The following BLTP1 variants were observed in gnomAD, a reference collection of about 807,000 sequenced individuals.
BLTP1 encodes fragile site-associated protein.
chr4:122,246,742 G>C, the BLTP1 span: 1 of 1,613,052 alleles, frequency 6.2e-7, no homozygotes, highest in Admixed American at 1.7e-5. Flanking sequence ...CTCCTAGTAG[G>C]AGTGTGACTC....
chr4:122,356,805 A>G, the BLTP1 span: 4 of 1,579,898 alleles, frequency 2.5e-6, no homozygotes, highest in South Asian at 1.2e-5. Flanking sequence ...GCAGCTGTCA[A>G]TGCCATTTAC....
chr4:122,328,485 A>G, the BLTP1 span: 3 of 788,504 alleles, frequency 3.8e-6, no homozygotes, highest in South Asian at 1.0e-4. Context: ...AGACTAACAG[A>G]CTCATTAAAA....
the BLTP1 span, chr4:122,236,668 T>G: frequency 2.9e-6 from 2 of 691,310 alleles, no homozygotes; most frequent in Non-Finnish European, 3.6e-6. Context: ...TTTCAAAGAT[T>G]AACCATCACA....
At chr4:122,220,253 A>T in the BLTP1 span, 79 of 1,438,450 alleles carry the variant, frequency 5.5e-5, no homozygotes, top group Non-Finnish European at 7.5e-5. Context: ...TAATCATGAC[A>T]GATGTAATTT....
chr4:122,260,066 C>A, the BLTP1 span: 1 of 277,526 alleles, frequency 3.6e-6, no homozygotes, highest in Non-Finnish European at 5.5e-6. Flanking sequence ...AACATCATAG[C>A]CTGTACTTAC....
chr4:122,220,484 G>A, the BLTP1 span: 1 of 1,592,542 alleles, frequency 6.3e-7, no homozygotes, highest in East Asian at 2.2e-5. Flanking sequence ...AGGTGAAAAT[G>A]AAATATGGTG....
chr4:122,231,686 G>C, the BLTP1 span: 5 of 967,306 alleles, frequency 5.2e-6, no homozygotes, highest in South Asian at 1.9e-4. Context: ...CCTTTTTCTT[G>C]TTAACATATA....
chr4:122,331,305 G>T, the BLTP1 span: 2 of 1,598,728 alleles, frequency 1.3e-6, no homozygotes, highest in Non-Finnish European at 1.7e-6. Context: ...ACAATGTAAT[G>T]ATCAATTGTT....
chr4:122,224,351 A>G, the BLTP1 span: 1 of 859,672 alleles, frequency 1.2e-6, no homozygotes, highest in Non-Finnish European at 1.8e-6. Context: ...TGCGGGTACA[A>G]GGTTGTGTTA....
chr4:122,157,315 A>T, the BLTP1 span, among the ~76,000 whole-genome samples: 1 of 152,086 alleles, frequency 6.6e-6, no homozygotes, highest in Admixed American at 6.6e-5. Context: ...TGCAGCAAAG[A>T]TGTAGGTTGG....
chr4:122,343,645 A>G, the BLTP1 span: 1 of 1,601,320 alleles, frequency 6.2e-7, no homozygotes, highest in Non-Finnish European at 8.5e-7. Context: ...TTTCAGATTT[A>G]CAGCATCTTT....
the BLTP1 span, chr4:122,348,704 A>G: frequency 1.9e-6 from 3 of 1,595,432 alleles, no homozygotes; most frequent in Non-Finnish European, 2.6e-6. Context: ...GAGTAATGTA[A>G]TGGGAAATAC....
chr4:122,339,820 T>G, the BLTP1 span, among the ~76,000 whole-genome samples: 7 of 152,332 alleles, frequency 4.6e-5, no homozygotes, highest in Admixed American at 2.0e-4. Context: ...GGATTTCTTA[T>G]CACACTGGGT....
At chr4:122,321,430 A>G in the BLTP1 span, among the ~76,000 whole-genome samples, 2 of 114,774 alleles carry the variant, frequency 1.7e-5, no homozygotes, top group East Asian at 2.4e-4. Flanking sequence ...ATACACACAC[A>G]TATATACACA....
chr4:122,207,404 A>G, the BLTP1 span: 1 of 1,420,316 alleles, frequency 7.0e-7, no homozygotes, highest in Non-Finnish European at 9.3e-7. Flanking sequence ...CTCTCAGAAG[A>G]CTGTTTCAGA....
chr4:122,271,458 A>G, the BLTP1 span: 1 of 1,613,824 alleles, frequency 6.2e-7, no homozygotes, highest in Non-Finnish European at 8.5e-7. Flanking sequence ...CGGACCAACA[A>G]TGAGAATAAC....
the BLTP1 span, chr4:122,161,084 AAG>A: frequency 2.1e-6 from 2 of 951,376 alleles, no homozygotes; most frequent in African/African-American, 3.5e-5. Context: ...CTTGGTGATG[AAG>A]AGAGTGTATG....
chr4:122,314,328 T>G, the BLTP1 span, among the ~76,000 whole-genome samples: 1 of 151,852 alleles, frequency 6.6e-6, no homozygotes, highest in African/African-American at 2.4e-5. Flanking sequence ...ATTAAGGAGT[T>G]TGATTTGGTG....
At chr4:122,261,342 A>T in the BLTP1 span, 2 of 984,600 alleles carry the variant, frequency 2.0e-6, no homozygotes, top group Non-Finnish European at 2.4e-6. Context: ...CATTTTCAGA[A>T]TTGTTTTGAA....
Sources: allele counts gnomAD v4.1 joint callset (sites outside exome capture counted in the v4.1 genomes callset), GRCh38; gene constraint gnomAD v4.1.1; transcripts MANE v1.5; gene names NCBI Gene and HGNC (gene_info 2026-07-23, HGNC 2026-07-21).